SLC6A11: variants seen among roughly 807,000 people sequenced by gnomAD.
SLC6A11 encodes the protein sodium- and chloride-dependent GABA transporter 3.
SLC6A11 carries 25 observed loss-of-function variants against 74.8 expected under a neutral mutation model. The ratio of observed to expected loss-of-function variants is 0.33; its 90% CI spans 0.24 to 0.47. SLC6A11 has a LOEUF of 0.47. Ranked by LOEUF, SLC6A11 falls within the 20% of genes least tolerant of loss-of-function variation. The pLI, the probability that SLC6A11 is intolerant of heterozygous loss-of-function variation, is 1.00. For synonymous variants in SLC6A11, 330 were observed against 330.2 expected (o/e 1.00, Z 0.01); for missense variants, 574 against 837.0 (o/e 0.69, Z 3.88).
intron 13 of SLC6A11, 58 bp downstream of exon 13, chr3:10,935,257 G>GT (rs1695746375): frequency 1.3e-6 from 2 of 1,528,632 alleles, no homozygotes; most frequent in African/African-American, 2.7e-5. Context: ...TTGGGTCCCA[G>GT]TTTCCTCATC....
chr3:10,913,488 C>T (rs1162090350), intron 7 of SLC6A11, among the ~76,000 whole-genome samples: 5 of 152,076 alleles, frequency 3.3e-5, no homozygotes, highest in African/African-American at 4.8e-5. Flanking sequence ...ACTTTGAGTA[C>T]GTATTGCTTT....
chr3:10,918,138 A>C lies in SLC6A11; in HGVS notation c.996-191A>C, dbSNP rs1356953199. 6.6e-6 allele frequency among the ~76,000 whole-genome samples: 1 copy of C among 152,188 alleles called. No individual in the cohort carries two copies. The highest frequency in any genetic ancestry group is 6.5e-5 in the Admixed American group (1 of 15,286). ...CCTTACCTTCTAGAAATTCAGGAGA[A>C]GCTGTGTGACCATGGGCCAGCCACC... On this transcript the variant is annotated intron_variant, in intron 7 of 13. Transcript: ENST00000254488. The surrounding 1 kb of genome is among the most constrained non-coding windows in gnomAD (Gnocchi z 4.5).
At chr3:10,873,385 G>GCTATCCTATCC (rs1694850882) in intron 5 of SLC6A11, among the ~76,000 whole-genome samples, 2 of 118,766 alleles carry the variant, frequency 1.7e-5, no homozygotes, top group Admixed American at 9.1e-5. Context: ...CTTCATTATT[G>GCTATCCTATCC]TATCCTATCC....
chr3:10,847,577 A>G lies in SLC6A11; in HGVS notation c.756+3231A>G, dbSNP rs377010127. Among the ~76,000 whole-genome samples, 5 of 152,328 alleles carry G rather than the reference A, an allele frequency of 3.3e-5. No individual in the cohort carries two copies. In the South Asian group the frequency reaches 6.2e-4, roughly 19 times the overall value. Reference sequence around the variant, plus strand: ...TTTATGGATGAAGAAACTGAGGCTCAGAGAGTGGAAGAGCCTTGCCCGAGG... The same window carrying G: ...TTTATGGATGAAGAAACTGAGGCTCGGAGAGTGGAAGAGCCTTGCCCGAGG... On this transcript the variant is annotated intron_variant, in intron 5 of 13. Coordinates refer to ENST00000254488, the MANE Select transcript of SLC6A11 (RefSeq NM_014229.3).
intron 6 of SLC6A11, among the ~76,000 whole-genome samples, chr3:10,898,946 G>A (rs1190079719): frequency 6.6e-6 from 1 of 152,176 alleles, no homozygotes; most frequent in Non-Finnish European, 1.5e-5. Context: ...CACAATCATG[G>A]CAGAAAATGA....
At chr3:10,929,679 T>A (rs1362807292) in intron 10 of SLC6A11, among the ~76,000 whole-genome samples, 1 of 152,210 alleles carries the variant, frequency 6.6e-6, no homozygotes, top group East Asian at 1.9e-4. Context: ...CAACGTCAGC[T>A]ACTGGCCCCT....
chr3:10,882,803 G>A (rs773529674), intron 6 of SLC6A11, among the ~76,000 whole-genome samples: 1 of 152,200 alleles, frequency 6.6e-6, no homozygotes. Flanking sequence ...GTGACCAACA[G>A]CCTGCCCCTT....
intron 6 of SLC6A11, among the ~76,000 whole-genome samples, chr3:10,886,505 G>A (rs1426829825): frequency 6.6e-6 from 1 of 152,156 alleles, no homozygotes; most frequent in Non-Finnish European, 1.5e-5. Context: ...CTGACCACAT[G>A]AGCTCAAACG....
intron 6 of SLC6A11, among the ~76,000 whole-genome samples, chr3:10,876,832 G>A (rs1694914963): frequency 6.8e-6 from 1 of 148,116 alleles, no homozygotes; most frequent in Non-Finnish European, 1.5e-5. Context: ...GGCAGGCCAG[G>A]CCATTTTCTA....
chr3:10,852,660 G>T (rs1368910581), intron 5 of SLC6A11, among the ~76,000 whole-genome samples: 1 of 152,230 alleles, frequency 6.6e-6, no homozygotes, highest in Admixed American at 6.5e-5. Context: ...GCCCCTCCTG[G>T]CACTTGGCGC....
chr3:10,920,667 C>T (rs988381001), intron 8 of SLC6A11, among the ~76,000 whole-genome samples: 3 of 152,224 alleles, frequency 2.0e-5, no homozygotes, highest in African/African-American at 7.2e-5. Flanking sequence ...CTATGCCCTG[C>T]ACAACTCCAG....
chr3:10,863,028 G>T (rs538525078), intron 5 of SLC6A11, among the ~76,000 whole-genome samples: 1 of 152,336 alleles, frequency 6.6e-6, no homozygotes, highest in South Asian at 2.1e-4. Context: ...GACATATGGG[G>T]TTATGTCCTG....
chr3:10,819,609 G>C lies in SLC6A11; in HGVS notation c.391+10G>C. 1.2e-6 allele frequency: 2 copies of C among 1,611,032 alleles called. No individual in the cohort carries two copies. The highest frequency in any genetic ancestry group is 1.7e-6 in the Non-Finnish European group (2 of 1,179,212). On this transcript the variant is annotated intron_variant, in intron 2 of 13. Coordinates refer to ENST00000254488, the MANE Select transcript of SLC6A11 (RefSeq NM_014229.3). ...TGCCCTTTATTTGAAGGTATGTGTT[G>C]AGTTAATGAGAAAATAAAATTTTGC...
In SLC6A11 at chr3:10,933,232, A is replaced by T. The variant is rs757998838; in HGVS notation, c.1453A>T (p.Ile485Phe). ...CLLFVAIFEC[I>F]CIGWVYGSNR... ...TCTCTTCGTGGCCATCTTTGAGTGC[A>T]TCTGCATCGGCTGGGTGTATGGTGA... The change falls in exon 11 of 14, where the codon ATC becomes TTC. Residue 485 changes from isoleucine to phenylalanine, a missense_variant. Around this residue, in one of 4 missense-constraint regions of SLC6A11, gnomAD observed 257 missense variants for 341.5 expected, o/e 0.75. Transcript: ENST00000254488. The T allele has an allele frequency of 1.9e-6, 3 of 1,613,646 alleles. No individual in the cohort carries two copies. Among genetic ancestry groups the T allele is most frequent in the Non-Finnish European group, 2.5e-6 (3 of 1,179,766 alleles).
intron 4 of SLC6A11, chr3:10,823,672 T>C (rs946541562): frequency 1.5e-5 from 5 of 339,430 alleles, no homozygotes; most frequent in Non-Finnish European, 1.7e-5. Flanking sequence ...ATAGACAGTT[T>C]AAAAATTCAT....
At chr3:10,932,132 C>A (rs1158217964) in intron 10 of SLC6A11, among the ~76,000 whole-genome samples, 1 of 152,172 alleles carries the variant, frequency 6.6e-6, no homozygotes, top group Admixed American at 6.5e-5. Flanking sequence ...CCCCCGCTCT[C>A]CCTATATCTG....
intron 5 of SLC6A11, among the ~76,000 whole-genome samples, chr3:10,863,241 GC>G (rs1182964168): frequency 6.6e-6 from 1 of 152,204 alleles, no homozygotes; most frequent in Non-Finnish European, 1.5e-5. Context: ...TGAAATAAGG[GC>G]TAAGTAGAAG....
intron 13 of SLC6A11, 103 bp downstream of exon 13, chr3:10,935,302 C>T: frequency 9.6e-7 from 1 of 1,043,714 alleles, no homozygotes; most frequent in Non-Finnish European, 1.4e-6. Context: ...CGCCCACCTG[C>T]CTCAAGGGGA....
At chr3:10,924,757 A>G (rs370097149) in intron 8 of SLC6A11, among the ~76,000 whole-genome samples, 4 of 152,350 alleles carry the variant, frequency 2.6e-5, no homozygotes, top group East Asian at 1.9e-4. Flanking sequence ...GTCATTAACT[A>G]TCAGGGAAAT....
Sources: allele counts gnomAD v4.1 joint callset (sites outside exome capture counted in the v4.1 genomes callset), GRCh38; gene constraint gnomAD v4.1.1; regional missense constraint gnomAD v4.1.1; non-coding constraint Gnocchi (gnomAD v3.1); transcripts MANE v1.5; gene names NCBI Gene and HGNC (gene_info 2026-07-23, HGNC 2026-07-21).